The following NCKAP5 variants were observed in gnomAD, a reference collection of about 807,000 sequenced individuals.
The protein encoded by NCKAP5 is nck-associated protein 5.
A neutral mutation model predicts 167.0 loss-of-function variants in NCKAP5; 92 were observed. That is an observed-to-expected ratio of 0.55 (90% CI 0.47 to 0.66). The LOEUF (loss-of-function observed/expected upper bound fraction) is 0.66, where lower values mean the gene tolerates loss of function less well. NCKAP5 is among the 30% of genes least tolerant of loss of function. NCKAP5 has a pLI of 0.00. For synonymous variants in NCKAP5, 891 were observed against 877.4 expected, an observed-to-expected ratio of 1.02 and a Z score of -0.27; for missense variants, 2,378 against 2,315.0, an observed-to-expected ratio of 1.03 and a Z score of -0.56.
intron 3 of NCKAP5, among the ~76,000 whole-genome samples, chr2:133,457,997 T>C (rs1004718249): frequency 6.6e-5 from 10 of 152,188 alleles, no homozygotes; most frequent in East Asian, 3.9e-4. Context: ...CTCTGTTACA[T>C]TGCAGCCAGT....
intron 16 of NCKAP5, among the ~76,000 whole-genome samples, chr2:132,760,466 A>C (rs1391106607): frequency 6.6e-6 from 1 of 152,198 alleles, no homozygotes; most frequent in Non-Finnish European, 1.5e-5. Context: ...TTCAGAAAGA[A>C]GTTCACTGAC....
intron 19 of NCKAP5, among the ~76,000 whole-genome samples, chr2:132,687,825 T>C (rs916004209): frequency 6.7e-6 from 1 of 149,454 alleles, no homozygotes; most frequent in African/African-American, 2.5e-5. Flanking sequence ...AAAAATAGAA[T>C]CACCCCCTCA....
intron 3 of NCKAP5, among the ~76,000 whole-genome samples, chr2:133,343,264 T>C (rs1683718970): frequency 6.6e-6 from 1 of 152,182 alleles, no homozygotes; most frequent in African/African-American, 2.4e-5. Flanking sequence ...TCATTGCATA[T>C]GTTTCCCAGG....
At chr2:132,823,786 A>T (rs1429025125) in intron 11 of NCKAP5, among the ~76,000 whole-genome samples, 1 of 152,220 alleles carries the variant, frequency 6.6e-6, no homozygotes, top group Non-Finnish European at 1.5e-5. Flanking sequence ...AAATCCATCA[A>T]CCATGTATCT....
chr2:133,171,542 A>T (rs2084249755), intron 5 of NCKAP5, among the ~76,000 whole-genome samples: 1 of 152,178 alleles, frequency 6.6e-6, no homozygotes, highest in Non-Finnish European at 1.5e-5. Flanking sequence ...TCAACTTGCC[A>T]AGAAAAGAAA....
At chr2:133,585,547 A>G in the NCKAP5 span, among the ~76,000 whole-genome samples, 2 of 152,260 alleles carry the variant, frequency 1.3e-5, no homozygotes, top group Non-Finnish European at 2.9e-5. Flanking sequence ...TGAAATGAAC[A>G]TCACAAAATA....
At chr2:133,497,508 A>C (rs1482552925) in intron 3 of NCKAP5, among the ~76,000 whole-genome samples, 2 of 152,216 alleles carry the variant, frequency 1.3e-5, no homozygotes, top group Non-Finnish European at 2.9e-5. Flanking sequence ...ACCACAGAGC[A>C]TCCCATTAGG....
intron 8 of NCKAP5, among the ~76,000 whole-genome samples, chr2:132,944,440 T>C (rs1235865634): frequency 6.6e-6 from 1 of 152,234 alleles, no homozygotes; most frequent in Non-Finnish European, 1.5e-5. Flanking sequence ...TGTCATCTCA[T>C]TTCATCCTTC....
chr2:133,438,108 C>T (rs931050015), intron 3 of NCKAP5, among the ~76,000 whole-genome samples: 1 of 152,168 alleles, frequency 6.6e-6, no homozygotes. Flanking sequence ...TGCAATTCAG[C>T]AACCTAAGTC....
At chr2:133,181,333 C>T (rs953734739) in intron 5 of NCKAP5, among the ~76,000 whole-genome samples, 3 of 151,482 alleles carry the variant, frequency 2.0e-5, no homozygotes, top group African/African-American at 4.9e-5. Context: ...AACCGATACA[C>T]TAAAAAATAC....
At chr2:133,051,786 A>G (rs1346752454) in intron 6 of NCKAP5, among the ~76,000 whole-genome samples, 2 of 152,262 alleles carry the variant, frequency 1.3e-5, no homozygotes, top group African/African-American at 4.8e-5. Flanking sequence ...AAAATGTTTA[A>G]GCATGGGTTC....
intron 3 of NCKAP5, among the ~76,000 whole-genome samples, chr2:133,331,412 C>T (rs923276365): frequency 6.6e-6 from 1 of 152,186 alleles, no homozygotes; most frequent in Non-Finnish European, 1.5e-5. Flanking sequence ...CATCTTCTCT[C>T]CCAACAGAGC....
At chr2:133,265,586 C>G (rs1463977228) in intron 4 of NCKAP5, among the ~76,000 whole-genome samples, 2 of 152,184 alleles carry the variant, frequency 1.3e-5, no homozygotes, top group Non-Finnish European at 2.9e-5. Context: ...CCAGTAGCAA[C>G]AGGGCACACG....
rs753538431 is a variant in NCKAP5, at chr2:132,782,232, T to C, written c.4579A>G (p.Ile1527Val). The C allele has an allele frequency of 6.2e-7, 1 of 1,614,002 alleles. No homozygotes were observed. Among genetic ancestry groups the C allele is most frequent in the Non-Finnish European group, 8.5e-7 (1 of 1,179,892 alleles). Residue 1527 changes from isoleucine to valine, a missense_variant, in exon 14 of 20, where the codon ATC becomes GTC. This residue lies in a region of NCKAP5 where 1,325 missense variants were observed against 1,274.5 expected (regional missense o/e 1.04). Coordinates refer to ENST00000409261, the MANE Select transcript of NCKAP5 (RefSeq NM_207363.3). Reference sequence around the variant, plus strand: ...TTCTTTTCTACTTTGGTTTTGGAGATGTCCATTTTCCTGCTACTCAGAGCT... The same window carrying C: ...TTCTTTTCTACTTTGGTTTTGGAGACGTCCATTTTCCTGCTACTCAGAGCT... Reference protein sequence around the residue: ...LPALSSRKMDISKTKVEKKDA... With the variant: ...LPALSSRKMDVSKTKVEKKDA...
rs1332832310 is a variant in NCKAP5 at position 133,130,008 on chromosome 2, T to G, written c.311A>C (p.Gln104Pro). The change falls in exon 6 of 20, where the codon CAG (glutamine) becomes CCG (proline). Residue 104 changes from glutamine (Q) to proline (P), a missense_variant. Physicochemically the swap from Gln to Pro is moderately conservative, Grantham distance 76. Coordinates refer to ENST00000409261, the MANE Select transcript of NCKAP5 (RefSeq NM_207363.3). ...GAACTGCTGCTGCAAGCTACGCATC[T>G]GAATTCTGTTGCGTTCAGACTCTAG... ...VTLESERNRI[Q>P]MRSLQQQFSR... 2.5e-6 allele frequency: 4 copies of G among 1,609,914 alleles called. No homozygotes were observed. Among genetic ancestry groups the G allele is most frequent in the Admixed American group, 1.7e-5 (1 of 59,056 alleles).
At chr2:132,980,138 C>A (rs1402450139) in intron 7 of NCKAP5, among the ~76,000 whole-genome samples, 1 of 151,680 alleles carries the variant, frequency 6.6e-6, no homozygotes, top group Non-Finnish European at 1.5e-5. Flanking sequence ...TACAGGCATG[C>A]ACCACTATAC....
At chr2:132,850,518 G>A (rs144331051) in intron 11 of NCKAP5, among the ~76,000 whole-genome samples, 3 of 151,634 alleles carry the variant, frequency 2.0e-5, no homozygotes, top group African/African-American at 7.3e-5. Context: ...TAATACCCTG[G>A]GCCTATTGTA....
At chr2:132,868,468 A>G (rs1690530334) in intron 10 of NCKAP5, among the ~76,000 whole-genome samples, 1 of 152,148 alleles carries the variant, frequency 6.6e-6, no homozygotes. Context: ...TTCCTTTTGT[A>G]GGGTCACCAC....
chr2:132,844,684 G>GT (rs544125284), intron 11 of NCKAP5, among the ~76,000 whole-genome samples: 323 of 152,194 alleles, frequency 2.1e-3, no homozygotes, highest in Non-Finnish European at 3.2e-3. Flanking sequence ...TACAGCATAG[G>GT]TTTTTTGATG....
Sources: allele counts gnomAD v4.1 joint callset (sites outside exome capture counted in the v4.1 genomes callset), GRCh38; gene constraint gnomAD v4.1.1; regional missense constraint gnomAD v4.1.1; transcripts MANE v1.5; gene names NCBI Gene and HGNC (gene_info 2026-07-23, HGNC 2026-07-21).